The following RUNDC3B variants were observed in gnomAD, a reference collection of about 807,000 sequenced individuals.
RUNDC3B encodes RUN domain-containing protein 3B.
In RUNDC3B, 33 loss-of-function variants were observed where a neutral mutation model predicts 58.4. The observed-to-expected ratio is 0.56, with a 90% CI of 0.43 to 0.75. The LOEUF is 0.75. Ranked by LOEUF, RUNDC3B falls within the 30% of genes least tolerant of loss-of-function variation. The pLI is 0.00. For synonymous variants in RUNDC3B, 193 were observed against 195.2 expected, an observed-to-expected ratio of 0.99 and a Z score of 0.10; for missense variants, 501 against 535.7, an observed-to-expected ratio of 0.94 and a Z score of 0.64.
chr7:87,722,539 C>T (rs959938393), intron 4 of RUNDC3B, among the ~76,000 whole-genome samples: 2 of 152,142 alleles, frequency 1.3e-5, no homozygotes, highest in African/African-American at 4.8e-5. Flanking sequence ...ACTTAACAGA[C>T]AAGAAAGTTA....
chr7:87,717,503 G>T lies in RUNDC3B; in HGVS notation c.458+6848G>T, dbSNP rs17160359. ...TAACTGAGGTATATGTATAATAAAA[G>T]GACAAGGAGGAAGTAACCATTGACA... is the stretch of plus-strand genomic sequence containing the variant. On this transcript the variant is annotated intron_variant, in intron 4 of 10. Transcript: ENST00000394654. 4.0e-3 allele frequency among the ~76,000 whole-genome samples: 607 copies of T among 152,010 alleles called. 8 individuals carry two copies. In the East Asian group the frequency reaches 0.049, roughly 12 times the overall value.
intron 6 of RUNDC3B, among the ~76,000 whole-genome samples, chr7:87,755,015 C>CTGATACAA (rs1452222543): frequency 6.8e-6 from 1 of 147,986 alleles, no homozygotes; most frequent in Admixed American, 6.7e-5. Flanking sequence ...CAAGGAATAG[C>CTGATACAA]TGATACAATT....
Position 87,775,279 on chromosome 7 carries a change from C to T in RUNDC3B, c.799-2519C>T, listed in dbSNP as rs954430676. On this transcript the variant is annotated intron_variant, in intron 7 of 10. Transcript: ENST00000394654. ...AGGCTAATGTGTGTGTTTGTGACTTCGTTTTTAACAGAAAAGTTTAAAAAG... is the reference window on the plus strand; with the variant it reads ...AGGCTAATGTGTGTGTTTGTGACTTTGTTTTTAACAGAAAAGTTTAAAAAG... Among the ~76,000 whole-genome samples the T allele has an allele frequency of 7.9e-5, 12 of 151,700 alleles. No individual in the cohort carries two copies. The East Asian group carries it at 1.5e-3, about 19-fold the overall frequency.
chr7:87,720,670 G>A (rs1413910310), intron 4 of RUNDC3B, among the ~76,000 whole-genome samples: 1 of 150,142 alleles, frequency 6.7e-6, no homozygotes. Context: ...GGTGAGCTCT[G>A]GCTCACTGCA....
chr7:87,816,624 G>A (rs1486197474), intron 10 of RUNDC3B, among the ~76,000 whole-genome samples: 1 of 152,106 alleles, frequency 6.6e-6, no homozygotes, highest in Non-Finnish European at 1.5e-5. Context: ...CTTCTCAGCA[G>A]CTTTTGACAC....
chr7:87,825,643 C>T (rs932731253), intron 10 of RUNDC3B, among the ~76,000 whole-genome samples: 3 of 152,196 alleles, frequency 2.0e-5, no homozygotes, highest in African/African-American at 7.2e-5. Flanking sequence ...CTTGCATCAT[C>T]CACCCAGAAA....
chr7:87,751,453 C>G (rs1042891026), intron 6 of RUNDC3B, among the ~76,000 whole-genome samples: 2 of 152,130 alleles, frequency 1.3e-5, no homozygotes, highest in East Asian at 3.9e-4. Flanking sequence ...GGCATTGAAT[C>G]TGTAAATTAC....
At chr7:87,793,500 G>T (rs1417004182) in intron 8 of RUNDC3B, among the ~76,000 whole-genome samples, 2 of 152,098 alleles carry the variant, frequency 1.3e-5, no homozygotes, top group Admixed American at 1.3e-4. Context: ...ATTTATCTCA[G>T]GGATATAAGG....
At chr7:87,812,373 C>T (rs1836768969) in intron 9 of RUNDC3B, among the ~76,000 whole-genome samples, 1 of 152,136 alleles carries the variant, frequency 6.6e-6, no homozygotes, top group South Asian at 2.1e-4. Flanking sequence ...CTTTGGGAGG[C>T]CACAGCGGGC....
intron 2 of RUNDC3B, among the ~76,000 whole-genome samples, chr7:87,658,390 C>T (rs1365512542): frequency 1.3e-5 from 2 of 152,052 alleles, no homozygotes; most frequent in African/African-American, 4.8e-5. Flanking sequence ...TGAACAGAGC[C>T]TCAGGGACCT....
At chr7:87,697,383 A>G (rs757298806) in intron 2 of RUNDC3B, among the ~76,000 whole-genome samples, 17 of 152,186 alleles carry the variant, frequency 1.1e-4, no homozygotes, top group Admixed American at 2.0e-4. Context: ...TTCTTGAGGG[A>G]AGTCTGGCAG....
At chr7:87,679,985 T>C (rs1326032707) in intron 2 of RUNDC3B, among the ~76,000 whole-genome samples, 1 of 150,422 alleles carries the variant, frequency 6.6e-6, no homozygotes, top group Non-Finnish European at 1.5e-5. Flanking sequence ...CATCAACCTG[T>C]CACCTACATT....
intron 2 of RUNDC3B, among the ~76,000 whole-genome samples, chr7:87,686,459 C>A (rs1827467107): frequency 6.6e-6 from 1 of 152,124 alleles, no homozygotes; most frequent in South Asian, 2.1e-4. Flanking sequence ...ATGAAAATTA[C>A]AGTTCTTTAA....
At chr7:87,783,311 TAAG>T (rs1262373322) in intron 8 of RUNDC3B, among the ~76,000 whole-genome samples, 1 of 152,184 alleles carries the variant, frequency 6.6e-6, no homozygotes, top group Non-Finnish European at 1.5e-5. Flanking sequence ...TTATCCGATA[TAAG>T]AATAGGACCC....
At chr7:87,631,265 G>A (rs1821187328) in intron 1 of RUNDC3B, among the ~76,000 whole-genome samples, 1 of 152,184 alleles carries the variant, frequency 6.6e-6, no homozygotes, top group Admixed American at 6.5e-5. Flanking sequence ...TACATTTTAA[G>A]TATCCCCATG....
chr7:87,766,746 T>G (rs1345475735), intron 6 of RUNDC3B, among the ~76,000 whole-genome samples: 1 of 152,114 alleles, frequency 6.6e-6, no homozygotes, highest in Admixed American at 6.5e-5. Flanking sequence ...GTATAGTATC[T>G]TTCAGGTGTT....
chr7:87,822,635 A>G (rs1223579727), intron 10 of RUNDC3B, among the ~76,000 whole-genome samples: 1 of 152,232 alleles, frequency 6.6e-6, no homozygotes, highest in Non-Finnish European at 1.5e-5. Flanking sequence ...CTTGGAACCA[A>G]GCCAAATGTC....
chr7:87,758,249 G>T (rs1467401594), intron 6 of RUNDC3B, among the ~76,000 whole-genome samples: 2 of 152,124 alleles, frequency 1.3e-5, no homozygotes, highest in Non-Finnish European at 2.9e-5. Context: ...TTGAGCCCAG[G>T]AGTTCAAGGC....
intron 10 of RUNDC3B, among the ~76,000 whole-genome samples, chr7:87,828,047 G>T (rs1837925401): frequency 6.6e-6 from 1 of 152,136 alleles, no homozygotes; most frequent in Non-Finnish European, 1.5e-5. Flanking sequence ...TCTAATCACA[G>T]TGCAAAAGAA....
Sources: gnomAD v4.1 joint callset for allele counts (sites outside exome capture counted in the v4.1 genomes callset) on GRCh38, gnomAD v4.1.1 for gene constraint, MANE v1.5 for transcripts, NCBI Gene and HGNC (gene_info 2026-07-23, HGNC 2026-07-21) for gene names.